IQGAP2: variants seen among roughly 807,000 people sequenced by gnomAD.
IQGAP2 encodes the protein ras GTPase-activating-like protein IQGAP2.
A neutral mutation model predicts 201.3 loss-of-function variants in IQGAP2; 173 were observed. The ratio of observed to expected loss-of-function variants is 0.86; its 90% CI spans 0.76 to 0.98. The LOEUF (loss-of-function observed/expected upper bound fraction) is 0.98. Ranked by LOEUF, IQGAP2 falls within the 50% of genes least tolerant of loss-of-function variation. The probability of loss-of-function intolerance (pLI) is 0.00; values close to 1 mark genes in which losing one functional copy is unlikely to be tolerated. For missense variants in IQGAP2, 1,687 were observed against 1,864.8 expected, an observed-to-expected ratio of 0.90 and a Z score of 1.76; for synonymous variants, 675 against 673.9, an observed-to-expected ratio of 1.00 and a Z score of -0.03.
intron 2 of IQGAP2, among the ~76,000 whole-genome samples, chr5:76,562,043 G>T (rs1358836667): frequency 6.6e-6 from 1 of 152,088 alleles, no homozygotes; most frequent in Non-Finnish European, 1.5e-5. Context: ...TCCTAAACTT[G>T]GAATTATTTT....
intron 17 of IQGAP2, among the ~76,000 whole-genome samples, chr5:76,648,484 A>G (rs1468205725): frequency 6.6e-6 from 1 of 152,240 alleles, no homozygotes; most frequent in African/African-American, 2.4e-5. Context: ...GGATATTGCA[A>G]TCACAACAAT....
intron 2 of IQGAP2, among the ~76,000 whole-genome samples, chr5:76,514,011 CTTTTTTTTTTTTT>C (rs70982619): frequency 2.0e-4 from 13 of 65,124 alleles, no homozygotes; most frequent in African/African-American, 6.8e-4. Context: ...TATTTGTTGC[CTTTTTTTTTTTTT>C]TTTTTTTTTT....
Position 76,611,144 on chromosome 5 carries a change from C to A in IQGAP2, c.1482C>A (p.Tyr494Ter). Reference sequence around the variant, plus strand: ...TGGACCCAGCCCATGCCCAGCACTACCAGGATGTTTTATACCATGCTAAAT... The same window carrying A: ...TGGACCCAGCCCATGCCCAGCACTAACAGGATGTTTTATACCATGCTAAAT... ...SDVDPAHAQH[Y>*]QDVLYHAKSQ... Residue 494 changes from tyrosine (Y) to a stop codon, truncating the protein, a stop_gained, in exon 13 of 36, where the codon TAC becomes TAA. Coordinates refer to ENST00000274364, the MANE Select transcript of IQGAP2 (RefSeq NM_006633.5). LOFTEE classifies it high-confidence loss of function. 6.2e-7 allele frequency: 1 copy of A among 1,613,690 alleles called. No individual in the cohort carries two copies. The highest frequency in any genetic ancestry group is 8.5e-7 in the Non-Finnish European group (1 of 1,179,838).
chr5:76,586,998 A>T (rs1321850814), intron 5 of IQGAP2, among the ~76,000 whole-genome samples: 1 of 152,240 alleles, frequency 6.6e-6, no homozygotes, highest in African/African-American at 2.4e-5. Context: ...TACCAGTTAT[A>T]AAAGTCATTG....
At chr5:76,596,646 A>G (rs1050367283) in intron 9 of IQGAP2, among the ~76,000 whole-genome samples, 1 of 152,150 alleles carries the variant, frequency 6.6e-6, no homozygotes. Context: ...GCAGAAGGTG[A>G]TGGGGAAGCC....
At chr5:76,505,489 T>A (rs1348968685) in intron 2 of IQGAP2, among the ~76,000 whole-genome samples, 1 of 152,142 alleles carries the variant, frequency 6.6e-6, no homozygotes, top group East Asian at 1.9e-4. Flanking sequence ...CTTCTTCTAG[T>A]AGAGAAATTA....
intron 1 of IQGAP2, among the ~76,000 whole-genome samples, chr5:76,415,529 G>A (rs189183976): frequency 1.6e-4 from 24 of 152,326 alleles, no homozygotes; most frequent in Non-Finnish European, 2.9e-4. Flanking sequence ...GTTATTATTG[G>A]AAGGATTCAG....
At chr5:76,686,919 C>T (rs1051914950) in intron 30 of IQGAP2, among the ~76,000 whole-genome samples, 3 of 152,340 alleles carry the variant, frequency 2.0e-5, no homozygotes, top group Admixed American at 6.5e-5. Flanking sequence ...AACTAATTGA[C>T]AATACATGTA....
rs1751193095 is a variant in IQGAP2, at chr5:76,637,061, T to C, written c.1808T>C (p.Leu603Pro). ...RVSSDGSWLK[L>P]NLHKKYDYYY... ...TCTAGTGACGGTTCATGGCTCAAAC[T>C]CAACCTGCACAAAAAATATGACTAC... The change falls in exon 16 of 36, where the codon CTC becomes CCC. Residue 603 changes from leucine to proline, a missense_variant. Leu to Pro is a moderately conservative substitution (Grantham distance 98, BLOSUM62 -3). Transcript: ENST00000274364. The C allele has an allele frequency of 6.2e-7, 1 of 1,611,286 alleles. No homozygotes were observed. Among genetic ancestry groups the C allele is most frequent in the African/African-American group, 1.3e-5 (1 of 74,820 alleles).
Position 76,677,228 on chromosome 5 carries a change from A to G in IQGAP2, c.3538A>G (p.Lys1180Glu). ...ETYQEFRKYF[K>E]EACNVPEPEE... ...TCCCCCCTTTATTAGGAAATATTTC[A>G]AAGAAGCATGTAATGTCCCTGAGCC... Residue 1180 changes from lysine (K) to glutamate (E), a missense_variant, in exon 28 of 36, where the codon AAA becomes GAA. Transcript: ENST00000274364. 6.2e-7 allele frequency: 1 copy of G among 1,613,118 alleles called. No homozygotes were observed. Among genetic ancestry groups the G allele is most frequent in the Non-Finnish European group, 8.5e-7 (1 of 1,179,462 alleles).
At chr5:76,691,675 C>G (rs145320808) in intron 30 of IQGAP2, 115 of 152,184 alleles carry the variant, frequency 7.6e-4, no homozygotes, top group Middle Eastern at 3.4e-3. Flanking sequence ...TCCCCAGCAG[C>G]AAAGGGTCAT....
At chr5:76,410,252 G>A (rs920701945) in intron 1 of IQGAP2, among the ~76,000 whole-genome samples, 4 of 152,178 alleles carry the variant, frequency 2.6e-5, no homozygotes, top group Admixed American at 6.5e-5. Context: ...TGACCTTGAG[G>A]AAGGTCAGAG....
At chr5:76,494,939 G>C (rs1010339705) in intron 2 of IQGAP2, among the ~76,000 whole-genome samples, 2 of 152,134 alleles carry the variant, frequency 1.3e-5, no homozygotes, top group African/African-American at 4.8e-5. Flanking sequence ...TTCCCAGCTG[G>C]AAAGTTTCCA....
chr5:76,411,473 G>A (rs867104493), intron 1 of IQGAP2, among the ~76,000 whole-genome samples: 1 of 152,194 alleles, frequency 6.6e-6, no homozygotes, highest in Non-Finnish European at 1.5e-5. Context: ...GTGTTGGAAC[G>A]TAGTCCCCCA....
intron 2 of IQGAP2, among the ~76,000 whole-genome samples, chr5:76,549,637 A>G (rs1171079146): frequency 1.3e-5 from 2 of 152,112 alleles, no homozygotes; most frequent in African/African-American, 4.8e-5. Context: ...CTGGAAATCC[A>G]AGAGCAAGGT....
chr5:76,501,262 A>G (rs1386288325), intron 2 of IQGAP2, among the ~76,000 whole-genome samples: 1 of 152,184 alleles, frequency 6.6e-6, no homozygotes, highest in East Asian at 1.9e-4. Flanking sequence ...AGGAATGTGG[A>G]AAAACAAAAA....
intron 13 of IQGAP2, among the ~76,000 whole-genome samples, chr5:76,627,030 C>CG (rs35494265): frequency 0.36 from 54,761 of 151,902 alleles, 9,896 homozygotes; most frequent in East Asian, 0.39. Flanking sequence ...TTCTAACTGC[C>CG]GGGGGAAGCC....
Position 76,692,699 on chromosome 5 carries a change from C to T in IQGAP2, c.3906-656C>T, listed in dbSNP as rs555701353. ...ACTGAGAAGCTCTTCTATTCTCTTC[C>T]ACCTGAAGACTGGAAGAAGACCTAA... On this transcript the variant is annotated intron_variant, in intron 30 of 35. Transcript: ENST00000274364. 2.6e-5 allele frequency among the ~76,000 whole-genome samples: 4 copies of T among 152,302 alleles called. No homozygotes were observed. The East Asian group carries it at 5.8e-4, about 22-fold the overall frequency.
intron 21 of IQGAP2, among the ~76,000 whole-genome samples, chr5:76,660,889 A>G (rs1164383084): frequency 6.6e-6 from 1 of 152,190 alleles, no homozygotes; most frequent in African/African-American, 2.4e-5. Flanking sequence ...GGGCGATAGA[A>G]TTAGTTTAAT....
Sources: allele counts gnomAD v4.1 joint callset (sites outside exome capture counted in the v4.1 genomes callset), GRCh38; gene constraint gnomAD v4.1.1; transcripts MANE v1.5; gene names NCBI Gene and HGNC (gene_info 2026-07-23, HGNC 2026-07-21).